The following SYNPO variants were observed in gnomAD, a reference collection of about 807,000 sequenced individuals.
The protein encoded by SYNPO is synaptopodin.
A neutral mutation model predicts 49.5 loss-of-function variants in SYNPO; 19 were observed. The ratio of observed to expected loss-of-function variants is 0.38; its 90% CI spans 0.27 to 0.56. SYNPO has a LOEUF of 0.56. Ranked by LOEUF, SYNPO falls within the 20% of genes least tolerant of loss-of-function variation. The pLI, the probability that SYNPO is intolerant of heterozygous loss-of-function variation, is 0.68. For synonymous variants in SYNPO, 536 were observed against 548.0 expected (o/e 0.98, Z 0.31); for missense variants, 1,131 against 1,248.3 (o/e 0.91, Z 1.42).
At position 150,656,832 on chromosome 5, in the gene SYNPO, C is replaced by T. The variant is rs1228344259; in HGVS notation, c.2457C>T (p.Ala819=). ...GCTCGGCTGCTGTGCCGGGGGCAGCCTTCGCGCCCATCCCGCGGAGCCCGT... is the reference window on the plus strand; with the variant it reads ...GCTCGGCTGCTGTGCCGGGGGCAGCTTTCGCGCCCATCCCGCGGAGCCCGT... ...RPGSAAVPGA[A]FAPIPRSPLP... The change falls in exon 3 of 3, where the codon GCC becomes GCT. Residue 819 remains alanine (A), a synonymous_variant. Transcript: ENST00000307662. 6.5e-7 allele frequency: 1 copy of T among 1,544,068 alleles called. No homozygotes were observed. Among genetic ancestry groups the T allele is most frequent in the Non-Finnish European group, 8.7e-7 (1 of 1,149,236 alleles).
chr5:150,656,957 C>T lies in SYNPO; in HGVS notation c.2582C>T (p.Ser861Phe), dbSNP rs1393244475. ...CGCTCGCCCACGGACTCCGACGTGT[C>T]CCTCGACTCCGAGGACTCCGGGGCT... ...YRRSPTDSDV[S>F]LDSEDSGAKS... The change falls in exon 3 of 3, where the codon TCC becomes TTC. Residue 861 changes from serine to phenylalanine, a missense_variant. Around this residue, in one of 4 missense-constraint regions of SYNPO, gnomAD observed 509 missense variants for 484.5 expected, o/e 1.05. Coordinates refer to ENST00000307662, the MANE Select transcript of SYNPO (RefSeq NM_007286.6). The T allele has an allele frequency of 1.3e-6, 2 of 1,587,588 alleles. No individual in the cohort carries two copies. Among genetic ancestry groups the T allele is most frequent in the Admixed American group, 1.8e-5 (1 of 56,966 alleles).
chr5:150,627,223 C>T (rs919667769), intron 2 of SYNPO, among the ~76,000 whole-genome samples: 1 of 152,168 alleles, frequency 6.6e-6, no homozygotes, highest in African/African-American at 2.4e-5. Flanking sequence ...ACCGTGGGCC[C>T]GGGGAAGTAC....
upstream of SYNPO, among the ~76,000 whole-genome samples, chr5:150,637,746 G>T (rs1345862628): frequency 6.6e-6 from 1 of 152,186 alleles, no homozygotes; most frequent in Non-Finnish European, 1.5e-5. Flanking sequence ...TTATTTTTCT[G>T]TGAGGAAGGA....
At chr5:150,631,386 C>T (rs1757532231) in intron 2 of SYNPO, among the ~76,000 whole-genome samples, 1 of 152,176 alleles carries the variant, frequency 6.6e-6, no homozygotes, top group South Asian at 2.1e-4. Context: ...CAGAAAGGTG[C>T]AGCCAAGGGG....
chr5:150,586,512 C>A, the SYNPO span, among the ~76,000 whole-genome samples: 3 of 152,080 alleles, frequency 2.0e-5, no homozygotes, highest in Non-Finnish European at 4.4e-5. Flanking sequence ...TGAGGCTTTT[C>A]CTATGCTGGG....
At position 150,649,542 on chromosome 5, in the gene SYNPO, C is replaced by G. The variant is rs752931073; in HGVS notation, c.1267C>G (p.Leu423Val). The G allele has an allele frequency of 6.2e-7, 1 of 1,610,546 alleles. No homozygotes were observed. The highest frequency in any genetic ancestry group is 8.5e-7 in the Non-Finnish European group (1 of 1,178,686). The change falls in exon 2 of 3, where the codon CTG becomes GTG. Residue 423 changes from leucine (L) to valine (V), a missense_variant. Leu to Val is a conservative substitution (Grantham distance 32). Transcript: ENST00000307662. ...AGGCGTGGAGGAGGAGCCCTTCGCA[C>G]TGGGGGCCGAGGCCTCCAACTTCCA... Reference protein sequence around the residue: ...EVGVEEEPFALGAEASNFQQE... With the variant: ...EVGVEEEPFAVGAEASNFQQE...
intron 1 of SYNPO, among the ~76,000 whole-genome samples, chr5:150,643,038 G>A (rs1757964664): frequency 6.6e-6 from 1 of 152,192 alleles, no homozygotes; most frequent in African/African-American, 2.4e-5. Context: ...TTCATATTCT[G>A]ACATTTGAGG....
At chr5:150,638,113 G>A (rs1757780633), upstream of SYNPO, among the ~76,000 whole-genome samples, 1 of 152,012 alleles carries the variant, frequency 6.6e-6, no homozygotes, top group Non-Finnish European at 1.5e-5. Context: ...AGTGGGGTGG[G>A]GGTTATCTTG....
At chr5:150,603,760 C>T (rs1446977983) in intron 1 of SYNPO, among the ~76,000 whole-genome samples, 1 of 152,222 alleles carries the variant, frequency 6.6e-6, no homozygotes, top group Admixed American at 6.5e-5. Flanking sequence ...CACCTGATCC[C>T]TGACCCTGAC....
chr5:150,598,776 C>T (rs1756469654), upstream of SYNPO, among the ~76,000 whole-genome samples: 1 of 152,072 alleles, frequency 6.6e-6, no homozygotes, highest in Admixed American at 6.5e-5. Flanking sequence ...GGACTTTCCA[C>T]ATCAGCAAGC....
rs1273052823 is a variant in SYNPO at position 150,648,445 on chromosome 5, C to T, written c.170C>T (p.Pro57Leu). 1.2e-6 allele frequency: 2 copies of T among 1,614,094 alleles called. No individual in the cohort carries two copies. The highest frequency in any genetic ancestry group is 2.7e-5 in the African/African-American group (2 of 74,908). The change falls in exon 2 of 3, where the codon CCA (proline) becomes CTA (leucine). Residue 57 changes from proline (P) to leucine (L), a missense_variant. Pro to Leu is a moderately conservative substitution (Grantham distance 98). Around this residue, in one of 4 missense-constraint regions of SYNPO, gnomAD observed 602 missense variants for 720.7 expected, o/e 0.84. Coordinates refer to ENST00000307662, the MANE Select transcript of SYNPO (RefSeq NM_007286.6). The surrounding 1 kb of genome is among the most constrained non-coding windows in gnomAD (Gnocchi z 5.0). ...NREAQQSSPAPPPAEVHSPAA... is the reference protein window; with the variant it reads ...NREAQQSSPALPPAEVHSPAA... ...GAGGCCCAGCAGTCCTCACCGGCCC[C>T]ACCTCCAGCTGAGGTCCACAGCCCA...
intron 1 of SYNPO, among the ~76,000 whole-genome samples, chr5:150,612,966 C>T (rs553899656): frequency 1.0e-3 from 156 of 152,070 alleles, no homozygotes; most frequent in African/African-American, 3.6e-3. Flanking sequence ...TTTGTAGAGA[C>T]GGGGGTCTCA....
the SYNPO span, among the ~76,000 whole-genome samples, chr5:150,589,187 G>A: frequency 5.5e-4 from 84 of 151,816 alleles, 1 homozygote; most frequent in Middle Eastern, 3.4e-3. Context: ...TCAGCCTCCC[G>A]AGTAGCTGGG....
Position 150,649,509 on chromosome 5 carries a change from GGGGA to G in SYNPO, c.1237_1240del (p.Glu413Ter). ...TGAGAAGCGGCGGCAGAGGGACCAGGGGGAGGTAGGCGTGGAGGAGGAGCCCTTC... is the reference window on the plus strand; with the variant it reads ...TGAGAAGCGGCGGCAGAGGGACCAGGGGTAGGCGTGGAGGAGGAGCCCTTC... On this transcript the variant is annotated frameshift_variant, in exon 2 of 3. Transcript: ENST00000307662. LOFTEE classifies it high-confidence loss of function. 1.2e-6 allele frequency: 2 copies of G among 1,612,950 alleles called. No individual in the cohort carries two copies. The highest frequency in any genetic ancestry group is 1.7e-6 in the Non-Finnish European group (2 of 1,179,520).
chr5:150,643,901 G>C (rs1356661713), intron 1 of SYNPO, among the ~76,000 whole-genome samples: 1 of 152,060 alleles, frequency 6.6e-6, no homozygotes, highest in African/African-American at 2.4e-5. Context: ...ATGGCTGGAC[G>C]TGGTGGCTCA....
chr5:150,616,810 C>T (rs1181804562), intron 1 of SYNPO, among the ~76,000 whole-genome samples: 2 of 152,138 alleles, frequency 1.3e-5, no homozygotes, highest in African/African-American at 4.8e-5. Context: ...AGTTCTTCCA[C>T]CCAAGTATCT....
At chr5:150,645,659 G>A (rs1758063310) in intron 1 of SYNPO, among the ~76,000 whole-genome samples, 1 of 152,158 alleles carries the variant, frequency 6.6e-6, no homozygotes, top group African/African-American at 2.4e-5. Flanking sequence ...CTTTTGGGAT[G>A]AGTAGACCAC....
chr5:150,603,120 G>A (rs1289528841), intron 1 of SYNPO, among the ~76,000 whole-genome samples: 1 of 152,286 alleles, frequency 6.6e-6, no homozygotes, highest in Non-Finnish European at 1.5e-5. Flanking sequence ...GCCATCCTGA[G>A]TAAAAGCTGG....
chr5:150,615,784 C>G lies in SYNPO; in HGVS notation c.-265-2319C>G, dbSNP rs114596222. On this transcript the variant is annotated intron_variant, in intron 1 of 2. Transcript: ENST00000394243. ...TCCTCCATGTCTCTGAATCCACCAT[C>G]ATGGTCAAGGTGTCAGAGCTAGGTT... Among the ~76,000 whole-genome samples the G allele has an allele frequency of 8.8e-4, 134 of 152,346 alleles. 1 individual carries two copies. Among genetic ancestry groups the G allele is most frequent in the African/African-American group, 3.2e-3 (133 of 41,574 alleles).
Sources: allele counts gnomAD v4.1 joint callset (sites outside exome capture counted in the v4.1 genomes callset), GRCh38; gene constraint gnomAD v4.1.1; regional missense constraint gnomAD v4.1.1; non-coding constraint Gnocchi (gnomAD v3.1); transcripts MANE v1.5; gene names NCBI Gene and HGNC (gene_info 2026-07-23, HGNC 2026-07-21).